Variants in VMP1 observed in about 807,000 individuals in gnomAD.
VMP1 encodes ectopic P-granules autophagy protein 3 homolog.
VMP1 carries 11 observed loss-of-function variants against 56.0 expected under a neutral mutation model. The observed-to-expected ratio is 0.20, with a 90% CI of 0.12 to 0.32. VMP1 has a LOEUF of 0.32. Ranked by LOEUF, VMP1 falls within the 10% of genes least tolerant of loss-of-function variation. The probability of loss-of-function intolerance (pLI) is 1.00; values close to 1 mark genes in which losing one functional copy is unlikely to be tolerated. For missense variants in VMP1, 296 were observed against 490.3 expected, an observed-to-expected ratio of 0.60 and a Z score of 3.74; for synonymous variants, 149 against 165.0, an observed-to-expected ratio of 0.90 and a Z score of 0.74.
chr17:59,757,188 A>G (rs1568088955), intron 5 of VMP1, among the ~76,000 whole-genome samples: 2 of 152,072 alleles, frequency 1.3e-5, no homozygotes, highest in East Asian at 1.9e-4. Context: ...CATAGATACT[A>G]TATTATTATC....
intron 1 of VMP1, among the ~76,000 whole-genome samples, chr17:59,709,119 T>C (rs1266998002): frequency 3.3e-5 from 5 of 152,236 alleles, no homozygotes; most frequent in Non-Finnish European, 7.3e-5. Context: ...ATATTTTTCT[T>C]ATTTTGAGTT....
rs112488511 is a variant in VMP1 at position 59,827,308 on chromosome 17, G to T, written c.974+9535G>T. 2.9e-3 allele frequency among the ~76,000 whole-genome samples: 434 copies of T among 150,452 alleles called. 2 individuals carry two copies. The highest frequency in any genetic ancestry group is 9.5e-3 in the African/African-American group (388 of 40,980). On this transcript the variant is annotated intron_variant, in intron 10 of 11. Transcript: ENST00000262291. ...TCCTGCCAATACTATCACTTTTTTG[G>T]TTTTTTTGTTTGTCTGTTTGTTTTT...
At chr17:59,761,589 G>A (rs1468509576) in intron 5 of VMP1, among the ~76,000 whole-genome samples, 2 of 152,146 alleles carry the variant, frequency 1.3e-5, no homozygotes, top group Non-Finnish European at 2.9e-5. Context: ...ACCTACCCAG[G>A]CATGACCTTT....
chr17:59,742,449 C>T (rs2035259636), intron 5 of VMP1, among the ~76,000 whole-genome samples: 1 of 151,586 alleles, frequency 6.6e-6, no homozygotes, highest in Admixed American at 6.6e-5. Flanking sequence ...CCCAGAAGCT[C>T]AAGGTCACAG....
intron 5 of VMP1, among the ~76,000 whole-genome samples, chr17:59,750,107 G>A (rs1342738124): frequency 6.6e-6 from 1 of 152,070 alleles, no homozygotes; most frequent in African/African-American, 2.4e-5. Context: ...AGTCTTATTT[G>A]TGACAGTTGA....
intron 10 of VMP1, among the ~76,000 whole-genome samples, chr17:59,825,610 GC>G (rs1443995550): frequency 1.3e-5 from 2 of 152,132 alleles, no homozygotes; most frequent in Non-Finnish European, 2.9e-5. Context: ...TTGTCATGTT[GC>G]CAGGGTCTTA....
At chr17:59,725,191 T>G (rs564115021) in intron 1 of VMP1, among the ~76,000 whole-genome samples, 1 of 152,250 alleles carries the variant, frequency 6.6e-6, no homozygotes, top group East Asian at 1.9e-4. Flanking sequence ...AACTGGCACA[T>G]AATGGACCGT....
intron 1 of VMP1, among the ~76,000 whole-genome samples, chr17:59,718,666 G>A (rs1158212859): frequency 6.6e-6 from 1 of 151,846 alleles, no homozygotes; most frequent in Non-Finnish European, 1.5e-5. Flanking sequence ...ACCACACCTG[G>A]CTAATTGTTT....
intron 7 of VMP1, among the ~76,000 whole-genome samples, chr17:59,805,602 T>C (rs2037818162): frequency 6.8e-6 from 1 of 147,190 alleles, no homozygotes; most frequent in South Asian, 2.1e-4. Flanking sequence ...TTTAAATAAA[T>C]AGAAAATTCT....
intron 7 of VMP1, among the ~76,000 whole-genome samples, chr17:59,792,842 C>T (rs1242476402): frequency 1.6e-5 from 2 of 124,800 alleles, no homozygotes; most frequent in East Asian, 2.3e-4. Flanking sequence ...TGAGCAAAAA[C>T]GCCATCTCAA....
At chr17:59,811,648 G>A (rs528864731) in intron 8 of VMP1, 22 bp from the exon 9 acceptor site, 1 of 1,519,124 alleles carries the variant, frequency 6.6e-7, no homozygotes, top group Non-Finnish European at 9.1e-7. Context: ...TAATATGGAA[G>A]TCCTTCTTTT....
At chr17:59,728,017 C>G (rs1199977118) in intron 1 of VMP1, among the ~76,000 whole-genome samples, 1 of 152,070 alleles carries the variant, frequency 6.6e-6, no homozygotes, top group African/African-American at 2.4e-5. Flanking sequence ...TAATAGAAAC[C>G]TATATTTTAT....
intron 8 of VMP1, among the ~76,000 whole-genome samples, chr17:59,810,606 A>T (rs1319685165): frequency 6.6e-6 from 1 of 152,196 alleles, no homozygotes; most frequent in African/African-American, 2.4e-5. Context: ...TGATATTATT[A>T]TATGGTTGTA....
chr17:59,821,761 A>G (rs1404319554), intron 10 of VMP1, among the ~76,000 whole-genome samples: 3 of 151,746 alleles, frequency 2.0e-5, no homozygotes, highest in Non-Finnish European at 4.4e-5. Context: ...CATGTTGGTC[A>G]GGTCACCTGA....
At chr17:59,803,806 C>T (rs1332288629) in intron 7 of VMP1, among the ~76,000 whole-genome samples, 1 of 151,988 alleles carries the variant, frequency 6.6e-6, no homozygotes, top group Non-Finnish European at 1.5e-5. Context: ...ACCTAACATA[C>T]AATTTGTTTG....
intron 5 of VMP1, among the ~76,000 whole-genome samples, chr17:59,742,240 G>T (rs2035252234): frequency 2.0e-5 from 3 of 152,236 alleles, no homozygotes; most frequent in African/African-American, 7.2e-5. Context: ...GGGCACAGTG[G>T]CTCATTCCTG....
intron 10 of VMP1, among the ~76,000 whole-genome samples, chr17:59,832,573 ATTTGTTTTGTTTTGTTTTGT>A (rs71145579): frequency 1.2e-4 from 18 of 146,248 alleles, no homozygotes; most frequent in Non-Finnish European, 2.2e-4. Flanking sequence ...AATTGTAGTT[ATTTGTTTTGTTTTGTTTTGT>A]TTTGTTTTGT....
intron 7 of VMP1, among the ~76,000 whole-genome samples, chr17:59,777,032 C>A (rs1018539242): frequency 6.6e-5 from 10 of 152,130 alleles, no homozygotes; most frequent in African/African-American, 2.4e-4. Context: ...TCTCATGATA[C>A]CACTTTCCAC....
At chr17:59,717,500 A>T (rs2034211248) in intron 1 of VMP1, among the ~76,000 whole-genome samples, 1 of 151,960 alleles carries the variant, frequency 6.6e-6, no homozygotes, top group South Asian at 2.1e-4. Flanking sequence ...CTTGTGCCTC[A>T]GCCTCCCAAG....
Sources: gnomAD v4.1 joint callset for allele counts (sites outside exome capture counted in the v4.1 genomes callset) on GRCh38, gnomAD v4.1.1 for gene constraint, MANE v1.5 for transcripts, NCBI Gene and HGNC (gene_info 2026-07-23, HGNC 2026-07-21) for gene names.